IMMP2L: variants seen among roughly 807,000 people sequenced by gnomAD.
The protein encoded by IMMP2L is inner mitochondrial membrane peptidase subunit 2.
Under a neutral mutation model 19.3 loss-of-function variants are expected in IMMP2L, and 18 were observed. The ratio of observed to expected loss-of-function variants is 0.93; its 90% CI spans 0.64 to 1.38. The LOEUF is 1.38. Ranked by LOEUF, IMMP2L falls within the 40% of genes most tolerant of loss-of-function variation. IMMP2L has a pLI of 0.00. For synonymous variants in IMMP2L, 76 were observed against 73.0 expected, an observed-to-expected ratio of 1.04 and a Z score of -0.21; for missense variants, 233 against 218.2, an observed-to-expected ratio of 1.07 and a Z score of -0.43.
At chr7:111,288,092 T>C (rs941769625) in intron 3 of IMMP2L, among the ~76,000 whole-genome samples, 2 of 152,164 alleles carry the variant, frequency 1.3e-5, no homozygotes, top group African/African-American at 2.4e-5. Flanking sequence ...CTGGTTTTCG[T>C]TCTTACTGTT....
At chr7:110,698,443 T>C (rs1703306208) in intron 5 of IMMP2L, among the ~76,000 whole-genome samples, 1 of 152,168 alleles carries the variant, frequency 6.6e-6, no homozygotes, top group South Asian at 2.1e-4. Flanking sequence ...TCATTGTAAT[T>C]CAACCAGTAG....
chr7:111,536,543 G>C (rs1194943923), intron 1 of IMMP2L, among the ~76,000 whole-genome samples: 4 of 152,096 alleles, frequency 2.6e-5, no homozygotes, highest in Non-Finnish European at 5.9e-5. Flanking sequence ...CTGAATTCAA[G>C]TGGTCCACCA....
chr7:111,084,826 G>A (rs956808373), intron 3 of IMMP2L, among the ~76,000 whole-genome samples: 3 of 152,182 alleles, frequency 2.0e-5, no homozygotes, highest in African/African-American at 7.2e-5. Flanking sequence ...TGATATGATT[G>A]TAGCAAATAT....
chr7:111,116,229 G>A (rs928606185), intron 3 of IMMP2L, among the ~76,000 whole-genome samples: 7 of 152,116 alleles, frequency 4.6e-5, no homozygotes, highest in Non-Finnish European at 1.0e-4. Context: ...CACATGATTT[G>A]TTTATGATCT....
chr7:110,944,385 T>C (rs1289158901), intron 4 of IMMP2L, among the ~76,000 whole-genome samples: 2 of 151,956 alleles, frequency 1.3e-5, no homozygotes, highest in Admixed American at 1.3e-4. Flanking sequence ...GGATAAAACA[T>C]GAACACAAGA....
chr7:110,968,392 G>T (rs996511137), intron 3 of IMMP2L, among the ~76,000 whole-genome samples: 2 of 152,102 alleles, frequency 1.3e-5, no homozygotes, highest in South Asian at 4.1e-4. Flanking sequence ...TCCACTGGAG[G>T]CTGGGTGCAG....
chr7:111,520,934 A>T (rs747080235), intron 2 of IMMP2L, among the ~76,000 whole-genome samples: 5 of 152,162 alleles, frequency 3.3e-5, no homozygotes, highest in Non-Finnish European at 5.9e-5. Flanking sequence ...ATATAACAAG[A>T]GAGCAACTGA....
rs556579587 is a variant in IMMP2L, at chr7:110,663,016, T to C, written c.*586A>G. ...ATAAGAAATTCCTCATTAATGGATG[T>C]ACTCAATGAGAATTAAATACTCAAA... On this transcript the variant is annotated 3_prime_UTR_variant, in exon 6 of 6. Coordinates refer to ENST00000405709, the MANE Select transcript of IMMP2L (RefSeq NM_032549.4). The C allele has an allele frequency of 1.3e-5, 2 of 152,736 alleles. No homozygotes were observed. The highest frequency in any genetic ancestry group is 2.9e-5 in the Non-Finnish European group (2 of 68,336). The allele number at this position is 152,736 out of a possible 1,614,324, so 9.5% of individuals were successfully genotyped here. A position where few individuals can be genotyped will look rare whatever the true frequency, so the allele number is the denominator to read the frequency against.
At chr7:110,998,333 A>G (rs1823257816) in intron 3 of IMMP2L, among the ~76,000 whole-genome samples, 1 of 152,136 alleles carries the variant, frequency 6.6e-6, no homozygotes, top group Non-Finnish European at 1.5e-5. Context: ...CATAGTCATT[A>G]TACCCTACAA....
At chr7:110,852,582 A>C (rs770845511) in intron 5 of IMMP2L, among the ~76,000 whole-genome samples, 2 of 152,084 alleles carry the variant, frequency 1.3e-5, no homozygotes, top group African/African-American at 4.8e-5. Context: ...CTGGAATGCA[A>C]GCAAATCTGG....
chr7:111,470,966 A>G (rs1040875626), intron 3 of IMMP2L, among the ~76,000 whole-genome samples: 16 of 151,940 alleles, frequency 1.1e-4, no homozygotes, highest in African/African-American at 3.9e-4. Context: ...ACCAAGAAAA[A>G]AGGATGTAAT....
At chr7:111,365,030 AATC>A (rs1829637596) in intron 3 of IMMP2L, among the ~76,000 whole-genome samples, 1 of 152,078 alleles carries the variant, frequency 6.6e-6, no homozygotes, top group Non-Finnish European at 1.5e-5. Flanking sequence ...ATTTTATTAA[AATC>A]ATCCATTATA....
At chr7:110,789,561 C>T (rs1800321882) in intron 5 of IMMP2L, among the ~76,000 whole-genome samples, 1 of 151,704 alleles carries the variant, frequency 6.6e-6, no homozygotes, top group Non-Finnish European at 1.5e-5. Flanking sequence ...ACTCTCAACA[C>T]AATAGAAAGA....
intron 3 of IMMP2L, among the ~76,000 whole-genome samples, chr7:111,223,858 T>A (rs537987702): frequency 6.6e-6 from 1 of 152,276 alleles, no homozygotes; most frequent in Admixed American, 6.5e-5. Flanking sequence ...TATGTGTAGC[T>A]TCCATTTCTT....
chr7:111,459,713 T>C (rs1225036885), intron 3 of IMMP2L, among the ~76,000 whole-genome samples: 2 of 152,154 alleles, frequency 1.3e-5, no homozygotes, highest in Non-Finnish European at 2.9e-5. Flanking sequence ...GTTACTATTA[T>C]ATATCATCGA....
intron 3 of IMMP2L, among the ~76,000 whole-genome samples, chr7:111,044,462 G>A (rs1792193422): frequency 6.6e-6 from 1 of 152,204 alleles, no homozygotes. Flanking sequence ...TTGGGAGGCT[G>A]AGGCAGGAGA....
At chr7:111,282,626 T>TA (rs758099904) in intron 3 of IMMP2L, among the ~76,000 whole-genome samples, 1 of 152,124 alleles carries the variant, frequency 6.6e-6, no homozygotes, top group Admixed American at 6.5e-5. Context: ...CTCTGTCACC[T>TA]AGGCTAGAGA....
At chr7:111,226,582 G>A (rs528408610) in intron 3 of IMMP2L, among the ~76,000 whole-genome samples, 6 of 152,126 alleles carry the variant, frequency 3.9e-5, no homozygotes, top group South Asian at 2.1e-4. Context: ...TGATCATTGC[G>A]CTCTTTGATT....
rs1217294280 is a variant in IMMP2L at position 111,197,343 on chromosome 7, GT to G, written c.240-233779del. Among the ~76,000 whole-genome samples the G allele has an allele frequency of 2.6e-5, 4 of 152,056 alleles. No individual in the cohort carries two copies. The East Asian group carries it at 7.8e-4, about 30-fold the overall frequency. On this transcript the variant is annotated intron_variant, in intron 3 of 5. Transcript: ENST00000405709. ...CCGGGCGTGGTGGCGGGCGCCTGTAGTCCCAGCTACTCGGGAGGCTGAGGCA... is the reference window on the plus strand; with the variant it reads ...CCGGGCGTGGTGGCGGGCGCCTGTAGCCCAGCTACTCGGGAGGCTGAGGCA...
Sources: allele counts gnomAD v4.1 joint callset (sites outside exome capture counted in the v4.1 genomes callset), GRCh38; gene constraint gnomAD v4.1.1; transcripts MANE v1.5; gene names NCBI Gene and HGNC (gene_info 2026-07-23, HGNC 2026-07-21).